Variants in IGSF11 observed in about 807,000 individuals in gnomAD.
The protein encoded by IGSF11 is immunoglobulin superfamily member 11.
In IGSF11, 22 loss-of-function variants were observed where a neutral mutation model predicts 41.0. The ratio of observed to expected loss-of-function variants is 0.54; its 90% CI spans 0.38 to 0.77. The LOEUF (loss-of-function observed/expected upper bound fraction) is 0.77. Among genes scored for constraint, IGSF11 ranks in the 30% least tolerant of loss-of-function variants. The pLI is 0.00. For synonymous variants in IGSF11, 219 were observed against 201.3 expected (o/e 1.09, Z -0.74); for missense variants, 444 against 530.8 (o/e 0.84, Z 1.61).
At chr3:118,950,214 A>C (rs766510692) in intron 1 of IGSF11, among the ~76,000 whole-genome samples, 17 of 152,268 alleles carry the variant, frequency 1.1e-4, no homozygotes, top group African/African-American at 1.7e-4. Context: ...CTCCATCATG[A>C]ATGGCAAAAG....
intron 1 of IGSF11, among the ~76,000 whole-genome samples, chr3:119,075,991 C>T (rs575175847): frequency 1.3e-4 from 20 of 152,226 alleles, no homozygotes; most frequent in African/African-American, 3.9e-4. Flanking sequence ...GGAGGCATCA[C>T]GCTACCTGAC....
intron 1 of IGSF11, among the ~76,000 whole-genome samples, chr3:118,953,952 G>C (rs1217397012): frequency 6.6e-6 from 1 of 151,984 alleles, no homozygotes; most frequent in Non-Finnish European, 1.5e-5. Flanking sequence ...TTGCTTTTGG[G>C]TTCTTGGTCA....
chr3:118,904,707 G>T lies in IGSF11; in HGVS notation c.795C>A (p.Phe265Leu), dbSNP rs1939361141. The change falls in exon 6 of 7, where the codon TTC becomes TTA. Residue 265 changes from phenylalanine to leucine, a missense_variant. By Grantham distance (22) the Phe-to-Leu change is conservative. Around this residue, in one of 3 missense-constraint regions of IGSF11, gnomAD observed 223 missense variants for 226.2 expected, o/e 0.99. Transcript: ENST00000393775. ...IFCIALILGA[F>L]FYWRSKNKEE... ...CTTTATTTTTGCTTCTCCAGTAAAA[G>T]AATGCCCCTAAAATTAGTGCAATGC... The T allele has an allele frequency of 1.2e-6, 2 of 1,612,066 alleles. No homozygotes were observed. The highest frequency in any genetic ancestry group is 1.7e-5 in the Admixed American group (1 of 59,898).
At chr3:119,097,144 G>A (rs989294993) in intron 1 of IGSF11, among the ~76,000 whole-genome samples, 6 of 151,988 alleles carry the variant, frequency 3.9e-5, no homozygotes, top group Non-Finnish European at 5.9e-5. Context: ...GCCATGTAAC[G>A]ACATTTACAA....
At chr3:118,969,975 T>C (rs1002366306) in intron 1 of IGSF11, among the ~76,000 whole-genome samples, 1 of 150,464 alleles carries the variant, frequency 6.6e-6, no homozygotes, top group African/African-American at 2.5e-5. Context: ...CATGTCCCTC[T>C]GCGCATACAG....
At chr3:118,911,041 T>A (rs2107483983) in intron 4 of IGSF11, among the ~76,000 whole-genome samples, 1 of 152,292 alleles carries the variant, frequency 6.6e-6, no homozygotes, top group South Asian at 2.1e-4. Context: ...GATGGAGATA[T>A]GTTTCCTTGT....
chr3:119,034,210 T>C (rs1278393878), intron 1 of IGSF11, among the ~76,000 whole-genome samples: 2 of 152,124 alleles, frequency 1.3e-5, no homozygotes, highest in Non-Finnish European at 2.9e-5. Flanking sequence ...GACCAGTGAG[T>C]AAGGGAGTTC....
chr3:119,086,837 C>T (rs974780361), intron 1 of IGSF11, among the ~76,000 whole-genome samples: 1 of 152,212 alleles, frequency 6.6e-6, no homozygotes, highest in African/African-American at 2.4e-5. Flanking sequence ...TATAAAGCAA[C>T]TACTTAATCA....
intron 1 of IGSF11, among the ~76,000 whole-genome samples, chr3:119,004,351 C>CT (rs1937248224): frequency 1.5e-5 from 1 of 67,808 alleles, no homozygotes; most frequent in South Asian, 5.4e-4. Flanking sequence ...ATTCTTCTCT[C>CT]TTTTTTTCTT....
At chr3:118,992,629 G>C (rs534087888) in intron 1 of IGSF11, among the ~76,000 whole-genome samples, 2 of 152,116 alleles carry the variant, frequency 1.3e-5, no homozygotes, top group East Asian at 3.8e-4. Flanking sequence ...CTGATCCTGC[G>C]ACTATAGAAG....
chr3:119,093,166 C>T (rs2076792866), intron 1 of IGSF11, among the ~76,000 whole-genome samples: 1 of 152,164 alleles, frequency 6.6e-6, no homozygotes, highest in Non-Finnish European at 1.5e-5. Context: ...AATGCCCTAT[C>T]GAACAATGCA....
chr3:119,051,356 GCAA>G (rs1412514131), intron 1 of IGSF11, among the ~76,000 whole-genome samples: 1 of 151,424 alleles, frequency 6.6e-6, no homozygotes, highest in Non-Finnish European at 1.5e-5. Flanking sequence ...AGACTTTAAA[GCAA>G]CAACAGTTAA....
At chr3:118,944,522 C>T (rs1943969114) in intron 1 of IGSF11, among the ~76,000 whole-genome samples, 1 of 150,490 alleles carries the variant, frequency 6.6e-6, no homozygotes, top group Non-Finnish European at 1.5e-5. Flanking sequence ...CCTCTCATTT[C>T]TACCCATCCT....
chr3:119,004,228 T>C, intron 1 of IGSF11, among the ~76,000 whole-genome samples: 1 of 151,496 alleles, frequency 6.6e-6, no homozygotes, highest in East Asian at 1.9e-4. Context: ...CCATTTCTTC[T>C]AGATTTTCTA....
chr3:118,968,345 G>A (rs1392666808), intron 1 of IGSF11, among the ~76,000 whole-genome samples: 2 of 152,064 alleles, frequency 1.3e-5, no homozygotes, highest in African/African-American at 4.8e-5. Context: ...GGTCCCCAGG[G>A]AATTATAGAC....
chr3:118,922,341 C>T (rs1576374583), intron 4 of IGSF11, among the ~76,000 whole-genome samples: 1 of 152,082 alleles, frequency 6.6e-6, no homozygotes, highest in East Asian at 1.9e-4. Context: ...TTTTGATATA[C>T]ATATATACTG....
chr3:118,930,146 A>AC lies in IGSF11; in HGVS notation c.181dup (p.Val61GlyfsTer11). On this transcript the variant is annotated frameshift_variant, in exon 2 of 7. Coordinates refer to ENST00000393775, the MANE Select transcript of IGSF11 (RefSeq NM_001015887.3). LOFTEE classifies it high-confidence loss of function. ...TTGGTTGGCATTGGAGAGAGGAGTG[A>AC]CCATCCAAATGACATTGAGGTTAAT... The AC allele has an allele frequency of 6.2e-7, 1 of 1,613,822 alleles. No homozygotes were observed. Among genetic ancestry groups the AC allele is most frequent in the Non-Finnish European group, 8.5e-7 (1 of 1,179,844 alleles).
chr3:119,061,150 C>A (rs1942039825), intron 1 of IGSF11, among the ~76,000 whole-genome samples: 1 of 152,002 alleles, frequency 6.6e-6, no homozygotes, highest in Non-Finnish European at 1.5e-5. Flanking sequence ...TTAGAAAAAT[C>A]AATATATATC....
chr3:119,001,479 T>G (rs1008166845), intron 1 of IGSF11, among the ~76,000 whole-genome samples: 6 of 150,410 alleles, frequency 4.0e-5, no homozygotes, highest in African/African-American at 1.5e-4. Flanking sequence ...TTTTTTTTTT[T>G]TTTTATTATA....
Sources: gnomAD v4.1 joint callset for allele counts (sites outside exome capture counted in the v4.1 genomes callset) on GRCh38, gnomAD v4.1.1 for gene constraint, gnomAD v4.1.1 regional missense constraint, MANE v1.5 for transcripts, NCBI Gene and HGNC (gene_info 2026-07-23, HGNC 2026-07-21) for gene names.